The following IMPACT variants were observed in gnomAD, a reference collection of about 807,000 sequenced individuals.
IMPACT encodes impact RWD domain protein, also known as protein IMPACT.
Under a neutral mutation model 47.5 loss-of-function variants are expected in IMPACT, and 35 were observed. The ratio of observed to expected loss-of-function variants is 0.74; its 90% CI spans 0.56 to 0.98. The LOEUF is 0.98. IMPACT is among the 50% of genes least tolerant of loss of function. The probability of loss-of-function intolerance (pLI) is 0.00; values close to 1 mark genes in which losing one functional copy is unlikely to be tolerated. For synonymous variants in IMPACT, 118 were observed against 125.6 expected, an observed-to-expected ratio of 0.94 and a Z score of 0.40; for missense variants, 373 against 394.8, an observed-to-expected ratio of 0.94 and a Z score of 0.47.
At chr18:24,443,577 G>C (rs943517113) in intron 7 of IMPACT, among the ~76,000 whole-genome samples, 1 of 152,210 alleles carries the variant, frequency 6.6e-6, no homozygotes, top group African/African-American at 2.4e-5. Context: ...AGAAAATTAT[G>C]ATGCTTAATA....
At chr18:24,450,048 G>A (rs1909344096) in intron 10 of IMPACT, 95 bp downstream of exon 10, 7 of 1,332,626 alleles carry the variant, frequency 5.3e-6, no homozygotes, top group Non-Finnish European at 5.3e-6. Context: ...CAGAATGTGA[G>A]TGGTGAATTG....
intron 3 of IMPACT, 26 bp from the exon 4 acceptor site, chr18:24,430,296 T>A (rs746018755): frequency 6.6e-7 from 1 of 1,508,156 alleles, no homozygotes; most frequent in South Asian, 1.2e-5. Context: ...TTGAATAATC[T>A]TCTTAATTGT....
intron 8 of IMPACT, among the ~76,000 whole-genome samples, chr18:24,445,694 C>T (rs1909233149): frequency 6.6e-6 from 1 of 152,048 alleles, no homozygotes; most frequent in South Asian, 2.1e-4. Context: ...TCATTTTTTT[C>T]TCTGCAAAGT....
intron 4 of IMPACT, among the ~76,000 whole-genome samples, chr18:24,437,611 G>A (rs8094815): frequency 0.061 from 9,215 of 152,200 alleles, 899 homozygotes; most frequent in African/African-American, 0.21. Context: ...ATCAGACATC[G>A]ATACTGAAAG....
rs780593051 is a variant in IMPACT, at chr18:24,440,571, A to C, written c.443A>C (p.Glu148Ala). ...GATCTCATTTTAGCATGTCAGCCGGAAAGTTCGCTTAAAGCATTGGATTTT... is the reference window on the plus strand; with the variant it reads ...GATCTCATTTTAGCATGTCAGCCGGCAAGTTCGCTTAAAGCATTGGATTTT... ...EDDLILACQP[E>A]SSLKALDFDI... The change falls in exon 6 of 11, where the codon GAA becomes GCA. Residue 148 changes from glutamate (E) to alanine (A), a missense_variant. Transcript: ENST00000284202. 6 of 1,613,404 alleles carry C rather than the reference A, an allele frequency of 3.7e-6. No individual in the cohort carries two copies. The East Asian group carries it at 1.1e-4, about 30-fold the overall frequency.
intron 6 of IMPACT, among the ~76,000 whole-genome samples, chr18:24,441,366 T>C (rs150624429): frequency 3.6e-4 from 55 of 152,314 alleles, no homozygotes; most frequent in African/African-American, 1.3e-3. Flanking sequence ...CTAATTTTTG[T>C]ATTTTTAGTA....
rs754004267 is a variant in IMPACT at position 24,437,965 on chromosome 18, G to C, written c.292G>C (p.Gly98Arg). 1.3e-6 allele frequency: 2 copies of C among 1,537,320 alleles called. No homozygotes were observed. Among genetic ancestry groups the C allele is most frequent in the Non-Finnish European group, 8.9e-7 (1 of 1,128,354 alleles). ...SLEEIYIQNI[G>R]ESILYLWVEK... ...CTGAATTTTGTTTAGTCAGAATATCGGTGAAAGTATTCTTTACCTGTGGGT... is the reference window on the plus strand; with the variant it reads ...CTGAATTTTGTTTAGTCAGAATATCCGTGAAAGTATTCTTTACCTGTGGGT... Residue 98 changes from glycine to arginine, a missense_variant, in exon 5 of 11, where the codon GGT (glycine) becomes CGT (arginine). Coordinates refer to ENST00000284202, the MANE Select transcript of IMPACT (RefSeq NM_018439.4).
In IMPACT at chr18:24,434,048, A is replaced by G. The variant is rs118001247; in HGVS notation, c.281+3664A>G. ...AAGGGGGAAATACAGGTTTTTAAAA[A>G]TTAAACATGGGCCAGGTGTGGTAGC... On this transcript the variant is annotated intron_variant, in intron 4 of 10. Transcript: ENST00000284202. 1.1e-3 allele frequency among the ~76,000 whole-genome samples: 165 copies of G among 152,138 alleles called. 2 individuals carry two copies. The East Asian group carries it at 0.029, about 27-fold the overall frequency.
chr18:24,431,511 A>G (rs1204632964), intron 4 of IMPACT, among the ~76,000 whole-genome samples: 1 of 151,906 alleles, frequency 6.6e-6, no homozygotes, highest in Non-Finnish European at 1.5e-5. Flanking sequence ...GGGTGCCATG[A>G]TAAGATTTTC....
intron 5 of IMPACT, among the ~76,000 whole-genome samples, chr18:24,440,154 TTATTTCAGTCCATGGGTTAAA>T (rs1167280407): frequency 1.0e-5 from 1 of 97,318 alleles, no homozygotes; most frequent in Non-Finnish European, 2.8e-5. Context: ...CTCATGTATA[TTATTTCAGTCCATGGGTTAAA>T]ATGCCATCCT....
At chr18:24,441,252 T>C (rs1909103318) in intron 6 of IMPACT, among the ~76,000 whole-genome samples, 1 of 152,194 alleles carries the variant, frequency 6.6e-6, no homozygotes, top group Non-Finnish European at 1.5e-5. Context: ...TGGAGTGCAG[T>C]GGCACGATCT....
At chr18:24,430,610 A>G (rs1908727499) in intron 4 of IMPACT, among the ~76,000 whole-genome samples, 1 of 152,218 alleles carries the variant, frequency 6.6e-6, no homozygotes, top group African/African-American at 2.4e-5. Context: ...TTTAGAGCTA[A>G]CAACTGTAAA....
intron 5 of IMPACT, 106 bp from the exon 6 acceptor site, chr18:24,440,390 C>G: frequency 8.4e-7 from 1 of 1,192,952 alleles, no homozygotes; most frequent in South Asian, 1.4e-5. Flanking sequence ...GTGCTGGTTC[C>G]TTTCGTTGAA....
chr18:24,448,198 A>G lies in IMPACT; in HGVS notation c.759+15A>G. The G allele has an allele frequency of 1.9e-6, 3 of 1,567,432 alleles. No homozygotes were observed. Among genetic ancestry groups the G allele is most frequent in the Non-Finnish European group, 2.6e-6 (3 of 1,137,750 alleles). On this transcript the variant is annotated intron_variant, in intron 9 of 10. Transcript: ENST00000284202. ...ATCTCATGGAGGTAGGTGTAAGTTA[A>G]ACTATCAATCCTGTTCTGTACAAGC...
At position 24,450,997 on chromosome 18, in the gene IMPACT, T is replaced by A; in HGVS notation, c.*150T>A. The A allele has an allele frequency of 1.9e-6, 1 of 516,220 alleles. No individual in the cohort carries two copies. The highest frequency in any genetic ancestry group is 3.5e-6 in the Non-Finnish European group (1 of 285,922). 32.0% of individuals were successfully genotyped at this position (516,220 alleles called of 1,614,324 possible). On this transcript the variant is annotated 3_prime_UTR_variant, in exon 11 of 11. Transcript: ENST00000284202. ...CAACATTAGCTTTTCTTCTTGGTTA[T>A]ATCATCTGCCAAAAATAGAGAACTT... is the stretch of plus-strand genomic sequence containing the variant.
In IMPACT at chr18:24,448,117, C is replaced by G. The variant is rs888543945; in HGVS notation, c.693C>G (p.Thr231=). The change falls in exon 9 of 11, where the codon ACC becomes ACG. Residue 231 remains threonine (T), a synonymous_variant. Transcript: ENST00000284202. The part of the protein sequence containing the change: ...AYRIYCEDKQ[T]FLQDCEDDGE... The stretch of plus-strand genomic sequence containing the variant: ...GAATATATTGTGAGGATAAACAGAC[C>G]TTCTTACAGGATTGTGAGGATGATG... 4 of 1,612,434 alleles carry G rather than the reference C, an allele frequency of 2.5e-6. No individual in the cohort carries two copies. The highest frequency in any genetic ancestry group is 1.6e-4 in the Middle Eastern group (1 of 6,078).
At position 24,445,460 on chromosome 18, in the gene IMPACT, C is replaced by T. The variant is rs1353084412; in HGVS notation, c.662C>T (p.Ala221Val). ...KIASATHNIY[A>V]YRIYCEDKQT... ...GCTAGTGCCACCCACAACATCTATGCCTACAGGTGAGTAATCATCACAAGC... is the reference window on the plus strand; with the variant it reads ...GCTAGTGCCACCCACAACATCTATGTCTACAGGTGAGTAATCATCACAAGC... Residue 221 changes from alanine to valine, a missense_variant, in exon 8 of 11, where the codon GCC (alanine) becomes GTC (valine). By Grantham distance (64) the Ala-to-Val change is moderately conservative. Transcript: ENST00000284202. 1 of 1,587,740 alleles carries T rather than the reference C, an allele frequency of 6.3e-7. No homozygotes were observed. Among genetic ancestry groups the T allele is most frequent in the Non-Finnish European group, 8.6e-7 (1 of 1,164,348 alleles).
chr18:24,441,593 T>C (rs1251987675), intron 6 of IMPACT, among the ~76,000 whole-genome samples: 5 of 152,242 alleles, frequency 3.3e-5, no homozygotes, highest in Middle Eastern at 3.2e-3. Flanking sequence ...ATGTTATTGT[T>C]AGTTTCCCTA....
At chr18:24,437,037 G>T (rs73943451) in intron 4 of IMPACT, among the ~76,000 whole-genome samples, 9,206 of 152,030 alleles carry the variant, frequency 0.061, 896 homozygotes, top group African/African-American at 0.21. Context: ...AGGATTTGAG[G>T]GTATAGAATT....
Sources: gnomAD v4.1 joint callset for allele counts (sites outside exome capture counted in the v4.1 genomes callset) on GRCh38, gnomAD v4.1.1 for gene constraint, MANE v1.5 for transcripts, NCBI Gene and HGNC (gene_info 2026-07-23, HGNC 2026-07-21) for gene names.